RNF14: variants seen among roughly 807,000 people sequenced by gnomAD.
RNF14 encodes E3 ubiquitin-protein ligase RNF14.
A neutral mutation model predicts 52.6 loss-of-function variants in RNF14; 26 were observed. The observed-to-expected ratio is 0.49, with a 90% CI of 0.36 to 0.69. The LOEUF (loss-of-function observed/expected upper bound fraction) is 0.69. RNF14 is among the 30% of genes least tolerant of loss of function. The pLI is 0.00. For synonymous variants in RNF14, 194 were observed against 202.0 expected, an observed-to-expected ratio of 0.96 and a Z score of 0.34; for missense variants, 404 against 560.4, an observed-to-expected ratio of 0.72 and a Z score of 2.82.
At position 141,980,352 on chromosome 5, in the gene RNF14, G is replaced by A; in HGVS notation, c.1063+1G>A. ...GTCTCCCCATGTAAGGTGACTGCAG[G>A]TATGTTTTAACTGTGAACCCAAACC... On this transcript the variant is annotated splice_donor_variant, in intron 6 of 8. Coordinates refer to ENST00000394520, the MANE Select transcript of RNF14 (RefSeq NM_004290.5). LOFTEE classifies it high-confidence loss of function. 6.2e-7 allele frequency: 1 copy of A among 1,611,986 alleles called. No homozygotes were observed. The highest frequency in any genetic ancestry group is 8.5e-7 in the Non-Finnish European group (1 of 1,178,644).
At chr5:141,960,670 A>G (rs1285313050) in intron 1 of RNF14, among the ~76,000 whole-genome samples, 1 of 152,212 alleles carries the variant, frequency 6.6e-6, no homozygotes, top group Admixed American at 6.5e-5. Context: ...GCCTTGTCCT[A>G]AGTGCTTTAC....
chr5:141,986,049 C>T (rs377695962), intron 8 of RNF14, among the ~76,000 whole-genome samples: 3 of 152,086 alleles, frequency 2.0e-5, no homozygotes, highest in South Asian at 2.1e-4. Flanking sequence ...ATGTGTATTC[C>T]GTATTGGATC....
At chr5:141,958,540 C>G (rs78928330) in intron 1 of RNF14, 1 of 152,452 alleles carries the variant, frequency 6.6e-6, no homozygotes, top group Non-Finnish European at 1.5e-5. Context: ...CTATCTTTTC[C>G]CCCATTGTTC....
At chr5:141,971,587 CTTT>C (rs1561544574) in intron 2 of RNF14, among the ~76,000 whole-genome samples, 1 of 123,552 alleles carries the variant, frequency 8.1e-6, no homozygotes, top group Non-Finnish European at 1.7e-5. Context: ...TTCTTTCTTT[CTTT>C]CTTTCTTTCT....
chr5:141,958,028 C>T (rs1282601475), upstream of RNF14: 4 of 697,862 alleles, frequency 5.7e-6, no homozygotes, highest in Non-Finnish European at 9.3e-6. Flanking sequence ...AAGGCAAGGC[C>T]ATCTTCATTG....
intron 5 of RNF14, 39 bp downstream of exon 5, chr5:141,978,869 C>T (rs1280745757): frequency 8.2e-6 from 13 of 1,592,034 alleles, no homozygotes; most frequent in African/African-American, 1.3e-5. Flanking sequence ...TCCTAATTCT[C>T]TTCCATAAAT....
At chr5:141,983,601 TATG>T (rs144312419) in intron 7 of RNF14, 49 bp downstream of exon 7, 121,731 of 1,509,900 alleles carry the variant, frequency 0.081, 5,447 homozygotes, top group Middle Eastern at 0.092. Flanking sequence ...GCAAGGATGT[TATG>T]ATTACCTTAA....
Position 141,960,230 on chromosome 5 carries a change from A to G in RNF14, c.-181+1805A>G, listed in dbSNP as rs1333717663. ...CCGCAATCGTCCCCCTGTGTGCCTGACAGTGAACAAGGCAAGGGGCTGACA... is the reference window on the plus strand; with the variant it reads ...CCGCAATCGTCCCCCTGTGTGCCTGGCAGTGAACAAGGCAAGGGGCTGACA... On this transcript the variant is annotated intron_variant, in intron 1 of 4. Coordinates refer to the RNF14 transcript ENST00000506822. Among the ~76,000 whole-genome samples, 3 of 152,170 alleles carry G rather than the reference A, an allele frequency of 2.0e-5. No homozygotes were observed. The East Asian group carries it at 5.8e-4, about 29-fold the overall frequency.
At chr5:141,953,581 G>A (rs1343791950), upstream of RNF14, among the ~76,000 whole-genome samples, 1 of 152,198 alleles carries the variant, frequency 6.6e-6, no homozygotes, top group Non-Finnish European at 1.5e-5. Context: ...CCCTCAAGTT[G>A]ATCCCAAATG....
the RNF14 span, chr5:141,951,457 G>C: frequency 6.7e-7 from 1 of 1,497,906 alleles, no homozygotes; most frequent in Non-Finnish European, 9.3e-7. Context: ...GCCAGTAGGG[G>C]CCTTGAGATG....
chr5:141,955,790 G>A (rs1233284221), upstream of RNF14: 22 of 1,613,620 alleles, frequency 1.4e-5, no homozygotes, highest in African/African-American at 2.7e-5. This position sits in a 1 kb window ranked among gnomAD's most constrained non-coding sequence, Gnocchi z 5.5. Flanking sequence ...AACAGGGCTC[G>A]GGTCTGTAAG....
At chr5:141,964,879 G>A (rs1403879480), upstream of RNF14, among the ~76,000 whole-genome samples, 1 of 150,916 alleles carries the variant, frequency 6.6e-6, no homozygotes, top group South Asian at 2.1e-4. Flanking sequence ...CACCTGCCTC[G>A]GCCTCCCAAA....
At chr5:141,953,754 G>A (rs164085), upstream of RNF14, among the ~76,000 whole-genome samples, 97,622 of 152,148 alleles carry the variant, frequency 0.64, 33,083 homozygotes, top group African/African-American at 0.85. Flanking sequence ...GGCTCTGGCA[G>A]CCTCTGGGTC....
chr5:141,984,184 G>A (rs763161346), intron 7 of RNF14, among the ~76,000 whole-genome samples: 2 of 147,722 alleles, frequency 1.4e-5, no homozygotes, highest in Non-Finnish European at 1.5e-5. Flanking sequence ...TGCAATCCCC[G>A]CCTCCCAGGT....
chr5:141,987,146 C>T (rs1393215977), intron 8 of RNF14, among the ~76,000 whole-genome samples: 1 of 152,076 alleles, frequency 6.6e-6, no homozygotes, highest in African/African-American at 2.4e-5. Flanking sequence ...GGTTTGAACC[C>T]TTAGGGAAAG....
chr5:141,951,382 A>G, the RNF14 span: 2 of 792,936 alleles, frequency 2.5e-6, no homozygotes, highest in African/African-American at 1.7e-5. Flanking sequence ...GCACCCTCCC[A>G]GGGGACCGGT....
chr5:141,968,435 AT>A (rs992630502), upstream of RNF14, among the ~76,000 whole-genome samples: 62 of 152,236 alleles, frequency 4.1e-4, no homozygotes, highest in African/African-American at 1.4e-3. Flanking sequence ...TAGTTCTTAC[AT>A]TTAGGTCGTT....
rs1467818512 is a variant in RNF14, at chr5:141,983,439, T to C, written c.1123T>C (p.Leu375=). The C allele has an allele frequency of 5.0e-6, 8 of 1,613,866 alleles. No homozygotes were observed. The highest frequency in any genetic ancestry group is 1.1e-5 in the South Asian group (1 of 91,066). ...AGCGGATGAGGCTAATAAAAGACTT[T>C]TGGATCAAAGGTATGGTAAGAGAGT... is the stretch of plus-strand genomic sequence containing the variant. ...LQADEANKRL[L]DQRYGKRVIQ... Residue 375 remains leucine, a synonymous_variant, in exon 7 of 9, where the codon TTG becomes CTG. Transcript: ENST00000394520.
chr5:141,964,967 A>C (rs991207345), upstream of RNF14, among the ~76,000 whole-genome samples: 1 of 151,988 alleles, frequency 6.6e-6, no homozygotes, highest in Middle Eastern at 3.4e-3. Flanking sequence ...AATGTTTCAG[A>C]GGCCCACATG....
Sources: gnomAD v4.1 joint callset for allele counts (sites outside exome capture counted in the v4.1 genomes callset) on GRCh38, gnomAD v4.1.1 for gene constraint, Gnocchi (gnomAD v3.1) non-coding constraint, MANE v1.5 for transcripts, NCBI Gene and HGNC (gene_info 2026-07-23, HGNC 2026-07-21) for gene names.